TENT2: variants seen among roughly 807,000 people sequenced by gnomAD.
TENT2 encodes terminal nucleotidyltransferase 2.
Under a neutral mutation model 72.2 loss-of-function variants are expected in TENT2, and 44 were observed. The ratio of observed to expected loss-of-function variants is 0.61; its 90% confidence interval spans 0.48 to 0.78. The LOEUF (loss-of-function observed/expected upper bound fraction) is 0.78. Among genes scored for constraint, TENT2 ranks in the 30% least tolerant of loss-of-function variants. The pLI is 0.00. For synonymous variants in TENT2, 212 were observed against 192.5 expected, an observed-to-expected ratio of 1.10 and a Z score of -0.84; for missense variants, 541 against 569.6, an observed-to-expected ratio of 0.95 and a Z score of 0.51.
chr5:79,618,806 C>G (rs1762492056), intron 1 of TENT2, among the ~76,000 whole-genome samples: 1 of 152,110 alleles, frequency 6.6e-6, no homozygotes, highest in Non-Finnish European at 1.5e-5. Context: ...GATGGACTCC[C>G]AAGTATTATT....
At position 79,685,679 on chromosome 5, in the gene TENT2, G is replaced by A. The variant is rs2151044534; in HGVS notation, c.*406G>A. Reference sequence around the variant, plus strand: ...AAGTATAACCTACGTTAGATAGTTTGTTGTCAAAGTCTGTTCTAGTAAAGT... The same window carrying A: ...AAGTATAACCTACGTTAGATAGTTTATTGTCAAAGTCTGTTCTAGTAAAGT... On this transcript the variant is annotated 3_prime_UTR_variant, in exon 15 of 15. Transcript: ENST00000453514. The A allele has an allele frequency of 6.4e-6, 1 of 155,082 alleles. No homozygotes were observed. Among genetic ancestry groups the A allele is most frequent in the Middle Eastern group, 3.4e-3 (1 of 296 alleles). 9.6% of individuals were successfully genotyped at this position (155,082 alleles called of 1,614,324 possible).
At chr5:79,638,000 A>G (rs1437283582) in intron 4 of TENT2, among the ~76,000 whole-genome samples, 6 of 151,256 alleles carry the variant, frequency 4.0e-5, no homozygotes, top group Non-Finnish European at 7.4e-5. Context: ...GGATTTCACC[A>G]TGTTGTCCAG....
intron 1 of TENT2, among the ~76,000 whole-genome samples, chr5:79,616,252 G>T (rs922870949): frequency 7.7e-6 from 1 of 129,968 alleles, no homozygotes; most frequent in Non-Finnish European, 1.5e-5. Context: ...AGGCTGGAGT[G>T]CAATTGCGCG....
intron 12 of TENT2, among the ~76,000 whole-genome samples, chr5:79,678,450 C>G (rs1295296730): frequency 1.3e-5 from 2 of 151,810 alleles, no homozygotes; most frequent in Non-Finnish European, 2.9e-5. Context: ...ATCAGCTGTT[C>G]CTCAAATTTA....
chr5:79,643,318 C>T (rs1227445256), intron 7 of TENT2, among the ~76,000 whole-genome samples: 1 of 152,106 alleles, frequency 6.6e-6, no homozygotes, highest in East Asian at 1.9e-4. Context: ...TGCATCTTTA[C>T]TTGTTTTAAA....
intron 11 of TENT2, among the ~76,000 whole-genome samples, chr5:79,657,307 T>C (rs1375789897): frequency 6.6e-6 from 1 of 152,120 alleles, no homozygotes. Flanking sequence ...TATTCCAGTT[T>C]TCTTCCTACT....
chr5:79,640,492 ATT>A (rs937430321), intron 4 of TENT2, among the ~76,000 whole-genome samples: 3 of 152,118 alleles, frequency 2.0e-5, no homozygotes, highest in Admixed American at 1.3e-4. Flanking sequence ...GCATATTTTT[ATT>A]TGTTTGTTTT....
chr5:79,653,531 G>A (rs1795717248), intron 10 of TENT2, among the ~76,000 whole-genome samples: 1 of 152,108 alleles, frequency 6.6e-6, no homozygotes, highest in Non-Finnish European at 1.5e-5. Flanking sequence ...TTGCCAGTCT[G>A]ATCAAATCAT....
At chr5:79,658,441 T>G (rs1374752660) in intron 11 of TENT2, among the ~76,000 whole-genome samples, 1 of 152,058 alleles carries the variant, frequency 6.6e-6, no homozygotes, top group Admixed American at 6.5e-5. Context: ...GCCTTCTACC[T>G]TGGCCTCCCA....
intron 4 of TENT2, among the ~76,000 whole-genome samples, chr5:79,628,083 G>A (rs981243802): frequency 2.0e-5 from 3 of 152,120 alleles, no homozygotes; most frequent in Admixed American, 2.0e-4. Context: ...AAGAGAAGGA[G>A]GTTAAGATAC....
intron 11 of TENT2, among the ~76,000 whole-genome samples, chr5:79,662,906 G>T (rs1036563869): frequency 1.3e-5 from 2 of 152,128 alleles, no homozygotes; most frequent in Non-Finnish European, 1.5e-5. Flanking sequence ...TAGCATCTTC[G>T]AATAGAAGCC....
At chr5:79,658,225 T>C (rs1177180338) in intron 11 of TENT2, among the ~76,000 whole-genome samples, 1 of 152,206 alleles carries the variant, frequency 6.6e-6, no homozygotes, top group Non-Finnish European at 1.5e-5. Flanking sequence ...TGAAGAATTA[T>C]TATAATGAGT....
intron 8 of TENT2, among the ~76,000 whole-genome samples, chr5:79,646,115 C>T (rs1020723161): frequency 1.2e-4 from 18 of 152,176 alleles, no homozygotes; most frequent in Non-Finnish European, 1.5e-4. Context: ...CCATATTTTT[C>T]ACATTTTTGT....
chr5:79,644,510 G>T (rs1787176915), intron 7 of TENT2: 1 of 151,906 alleles, frequency 6.6e-6, no homozygotes, highest in African/African-American at 2.4e-5. Flanking sequence ...AAATATGTAT[G>T]TACATTTTAT....
intron 4 of TENT2, among the ~76,000 whole-genome samples, chr5:79,625,121 G>A (rs1198872045): frequency 6.6e-6 from 1 of 152,154 alleles, no homozygotes; most frequent in Non-Finnish European, 1.5e-5. Context: ...ATCTCATCAT[G>A]TTTTGGATTT....
intron 10 of TENT2, among the ~76,000 whole-genome samples, chr5:79,653,274 C>T (rs549580741): frequency 6.6e-6 from 1 of 152,058 alleles, no homozygotes; most frequent in Admixed American, 6.6e-5. Flanking sequence ...TGCTTGAGGC[C>T]AGGAGTTTGA....
intron 4 of TENT2, among the ~76,000 whole-genome samples, chr5:79,630,011 C>T (rs1474582870): frequency 6.8e-6 from 1 of 146,378 alleles, no homozygotes; most frequent in Non-Finnish European, 1.5e-5. Context: ...TGGCGTGTGC[C>T]GTAGTCCCAG....
chr5:79,663,407 A>G (rs1230695995), intron 11 of TENT2, among the ~76,000 whole-genome samples: 2 of 152,302 alleles, frequency 1.3e-5, no homozygotes, highest in East Asian at 3.9e-4. Context: ...CTTCTTCACT[A>G]AGCTTAGTCA....
intron 3 of TENT2, among the ~76,000 whole-genome samples, chr5:79,622,532 T>G (rs954487883): frequency 2.0e-5 from 3 of 152,216 alleles, no homozygotes; most frequent in East Asian, 1.9e-4. Flanking sequence ...TTGCCTAGAT[T>G]CATGAGTTAA....
Sources: gnomAD v4.1 joint callset for allele counts (sites outside exome capture counted in the v4.1 genomes callset) on GRCh38, gnomAD v4.1.1 for gene constraint, MANE v1.5 for transcripts, NCBI Gene and HGNC (gene_info 2026-07-23, HGNC 2026-07-21) for gene names.